IST1: variants seen among roughly 807,000 people sequenced by gnomAD.
IST1 encodes IST1 factor associated with ESCRT-III.
Under a neutral mutation model 37.0 loss-of-function variants are expected in IST1, and 23 were observed. The observed-to-expected ratio is 0.62, with a 90% CI of 0.45 to 0.88. The LOEUF (loss-of-function observed/expected upper bound fraction) is 0.88, where lower values mean the gene tolerates loss of function less well. Ranked by LOEUF, IST1 falls within the 40% of genes least tolerant of loss-of-function variation. The probability of loss-of-function intolerance (pLI) is 0.00; values close to 1 mark genes in which losing one functional copy is unlikely to be tolerated. For missense variants in IST1, 488 were observed against 445.4 expected (o/e 1.10, Z -0.86); for synonymous variants, 180 against 161.7 (o/e 1.11, Z -0.86).
chr16:71,922,972 A>G (rs2037642843), intron 7 of IST1: 5 of 497,876 alleles, frequency 1.0e-5, no homozygotes, highest in Middle Eastern at 5.4e-4. Context: ...CCACAAATGA[A>G]TAAACCACCA....
At chr16:71,921,170 G>C (rs2037571519) in intron 5 of IST1, 173 bp from the exon 6 acceptor site, 1 of 607,186 alleles carries the variant, frequency 1.6e-6, no homozygotes, top group Non-Finnish European at 2.9e-6. Flanking sequence ...GTGAAAGAGA[G>C]ACTTGGGTCC....
At chr16:71,910,617 A>AG in intron 1 of IST1, among the ~76,000 whole-genome samples, 1 of 151,436 alleles carries the variant, frequency 6.6e-6, no homozygotes, top group East Asian at 1.9e-4. Flanking sequence ...AAAAAAAAAA[A>AG]AGAAAAAAAA....
Position 71,928,606 on chromosome 16 carries a change from C to T in IST1, c.*793C>T, listed in dbSNP as rs2037810326. The stretch of plus-strand genomic sequence containing the variant: ...AGAAAGGACAAGGTGCCATTCAAGT[C>T]CTAGGGTGGGCTTCCAGCTGCCTTA... On this transcript the variant is annotated 3_prime_UTR_variant, in exon 10 of 10. Coordinates refer to ENST00000378799, the MANE Select transcript of IST1 (RefSeq NM_001270975.2). The T allele has an allele frequency of 6.6e-6, 1 of 152,642 alleles. No homozygotes were observed. Among genetic ancestry groups the T allele is most frequent in the East Asian group, 1.9e-4 (1 of 5,196 alleles). 9.5% of individuals were successfully genotyped at this position (152,642 alleles called of 1,614,324 possible). A position where few individuals can be genotyped will look rare whatever the true frequency, so the allele number is the denominator to read the frequency against.
chr16:71,924,912 C>A, intron 9 of IST1, 95 bp downstream of exon 9: 1 of 856,718 alleles, frequency 1.2e-6, no homozygotes, highest in Non-Finnish European at 2.0e-6. Flanking sequence ...TTTCCATGTC[C>A]ATGGACTTCT....
At chr16:71,896,945 G>T (rs1351280371) in intron 1 of IST1, among the ~76,000 whole-genome samples, 1 of 151,066 alleles carries the variant, frequency 6.6e-6, no homozygotes, top group Non-Finnish European at 1.5e-5. Flanking sequence ...TTTCAGTCTG[G>T]AGGACAGAGT....
chr16:71,920,892 C>T (rs753682358), intron 5 of IST1, 70 bp downstream of exon 5: 3 of 1,052,124 alleles, frequency 2.9e-6, no homozygotes, highest in East Asian at 2.4e-5. Context: ...TGTGGCAATT[C>T]TAGTGGGTAC....
intron 1 of IST1, among the ~76,000 whole-genome samples, chr16:71,908,493 C>T (rs1387463831): frequency 1.3e-5 from 2 of 151,892 alleles, no homozygotes; most frequent in African/African-American, 2.4e-5. Flanking sequence ...AGAAGAGTTT[C>T]ACCATGTTGG....
chr16:71,921,355 C>G lies in IST1; in HGVS notation c.454C>G (p.Leu152Val), dbSNP rs373491430. The part of the protein sequence containing the change: ...GTVNDRLMHK[L>V]SVEAPPKILV... ...TTTTTACTTACAGCTAATGCACAAGCTGAGTGTGGAAGCCCCACCCAAAAT... is the reference window on the plus strand; with the variant it reads ...TTTTTACTTACAGCTAATGCACAAGGTGAGTGTGGAAGCCCCACCCAAAAT... The change falls in exon 6 of 10, where the codon CTG becomes GTG. Residue 152 changes from leucine to valine, a missense_variant. Around this residue, in one of 2 missense-constraint regions of IST1, gnomAD observed 455 missense variants for 386.2 expected, o/e 1.18. Transcript: ENST00000378799. The G allele has an allele frequency of 8.1e-6, 13 of 1,610,050 alleles. No individual in the cohort carries two copies. Among genetic ancestry groups the G allele is most frequent in the Non-Finnish European group, 1.1e-5 (13 of 1,177,202 alleles).
Position 71,917,110 on chromosome 16 carries a change from G to A in IST1, c.333G>A (p.Gln111=), listed in dbSNP as rs765704009. 2 of 1,610,730 alleles carry A rather than the reference G, an allele frequency of 1.2e-6. No homozygotes were observed. The highest frequency in any genetic ancestry group is 2.2e-5 in the East Asian group (1 of 44,850). Residue 111 remains glutamine, a synonymous_variant, in exon 4 of 10, where the codon CAG becomes CAA. Coordinates refer to ENST00000378799, the MANE Select transcript of IST1 (RefSeq NM_001270975.2). ...TGATCTGGGCTGCTCCTCGACTCCA[G>A]TCAGAAGTGGCTGAGTTGAAAATAG... ...STLIWAAPRL[Q]SEVAELKIVA...
rs756092571 is a variant in IST1, at chr16:71,923,255, A to G, written c.760-33A>G. On this transcript the variant is annotated intron_variant, in intron 7 of 9. Coordinates refer to ENST00000378799, the MANE Select transcript of IST1 (RefSeq NM_001270975.2). The stretch of plus-strand genomic sequence containing the variant: ...ACCTTCGAGATTGCAAACTGGAGGC[A>G]GTGTCTCTGATGTTGCCTTTCTCCT... 3 of 1,304,942 alleles carry G rather than the reference A, an allele frequency of 2.3e-6. No individual in the cohort carries two copies. The South Asian group carries it at 3.7e-5, about 16-fold the overall frequency. 80.8% of individuals were successfully genotyped at this position (1,304,942 alleles called of 1,614,324 possible). A position where few individuals can be genotyped will look rare whatever the true frequency, so the allele number is the denominator to read the frequency against.
intron 1 of IST1, among the ~76,000 whole-genome samples, chr16:71,898,370 G>GAAAAAA (rs57871135): frequency 2.0e-5 from 2 of 100,854 alleles, no homozygotes; most frequent in Non-Finnish European, 1.9e-5. Context: ...CTCTCTCTCA[G>GAAAAAA]AAAAAAAAAA....
intron 9 of IST1, among the ~76,000 whole-genome samples, chr16:71,925,293 A>C: frequency 6.9e-6 from 1 of 144,260 alleles, no homozygotes. Context: ...TGGATTACAG[A>C]CATGAGCCAC....
rs1468881491 is a variant in IST1 at position 71,929,505 on chromosome 16, A to C, written c.*1692A>C. On this transcript the variant is annotated 3_prime_UTR_variant, in exon 10 of 10. Transcript: ENST00000378799. ...ATGCAAAGATAAGTAGTAATACGCT[A>C]ATAAATACTAAGCCAAGTAGGAGAT... 2.6e-6 allele frequency: 4 copies of C among 1,528,296 alleles called. No homozygotes were observed. Among genetic ancestry groups the C allele is most frequent in the Middle Eastern group, 3.4e-4 (2 of 5,904 alleles). The allele number at this position is 1,528,296 out of a possible 1,614,324, so 94.7% of individuals were successfully genotyped here.
intron 1 of IST1, among the ~76,000 whole-genome samples, chr16:71,900,046 A>T (rs949261613): frequency 6.6e-6 from 1 of 151,530 alleles, no homozygotes; most frequent in Non-Finnish European, 1.5e-5. Flanking sequence ...GACACCTGTA[A>T]TCCTAGCTAC....
chr16:71,902,357 C>T (rs557635103), intron 1 of IST1, among the ~76,000 whole-genome samples: 1 of 151,608 alleles, frequency 6.6e-6, no homozygotes, highest in East Asian at 1.9e-4. Context: ...GCAACCTCCA[C>T]CTCCTGGGTT....
intron 4 of IST1, among the ~76,000 whole-genome samples, chr16:71,920,375 T>C (rs2037552497): frequency 6.6e-6 from 1 of 152,196 alleles, no homozygotes; most frequent in Non-Finnish European, 1.5e-5. Context: ...GTTAGTCTTT[T>C]AAAAGAAGCT....
At chr16:71,913,721 G>A (rs1385584108) in intron 1 of IST1, among the ~76,000 whole-genome samples, 2 of 151,686 alleles carry the variant, frequency 1.3e-5, no homozygotes, top group African/African-American at 4.8e-5. Flanking sequence ...GGCTCGTCTT[G>A]AACTCATGGG....
At chr16:71,914,063 C>T (rs1198711064) in intron 1 of IST1, among the ~76,000 whole-genome samples, 2 of 152,274 alleles carry the variant, frequency 1.3e-5, no homozygotes, top group East Asian at 1.9e-4. Context: ...CCACCTAGGC[C>T]TCCCAAAGTG....
At chr16:71,910,928 G>GT (rs1236406411) in intron 1 of IST1, among the ~76,000 whole-genome samples, 5 of 152,022 alleles carry the variant, frequency 3.3e-5, no homozygotes, top group Admixed American at 2.6e-4. Context: ...ATTTATATAT[G>GT]TGTATAAAGT....
Sources: allele counts gnomAD v4.1 joint callset (sites outside exome capture counted in the v4.1 genomes callset), GRCh38; gene constraint gnomAD v4.1.1; regional missense constraint gnomAD v4.1.1; transcripts MANE v1.5; gene names NCBI Gene and HGNC (gene_info 2026-07-23, HGNC 2026-07-21).